ASAH2: variants seen among roughly 807,000 people sequenced by gnomAD.
ASAH2 encodes neutral ceramidase.
Under a neutral mutation model 82.9 loss-of-function variants are expected in ASAH2, and 58 were observed. The observed-to-expected ratio is 0.70, with a 90% confidence interval of 0.57 to 0.87. The LOEUF is 0.87. Ranked by LOEUF, ASAH2 falls within the 40% of genes least tolerant of loss-of-function variation. The pLI is 0.00. For synonymous variants in ASAH2, 276 were observed against 289.7 expected (o/e 0.95, Z 0.48); for missense variants, 779 against 834.0 (o/e 0.93, Z 0.81).
At chr10:50,195,141 C>T (rs1589319026) in intron 18 of ASAH2, among the ~76,000 whole-genome samples, 1 of 150,790 alleles carries the variant, frequency 6.6e-6, no homozygotes. Context: ...GCAAACTATG[C>T]ATCCAATAAA....
rs1360783574 is a variant in ASAH2 at position 50,187,136 on chromosome 10, A to T, written c.*179T>A. On this transcript the variant is annotated 3_prime_UTR_variant, in exon 21 of 21. Transcript: ENST00000682911. ...CTCTCTCTCACACACACACACACAC[A>T]CACACACACACACACACACACACAC... The T allele has an allele frequency of 2.0e-3, 639 of 317,556 alleles. 1 individual carries two copies. The highest frequency in any genetic ancestry group is 2.4e-3 in the Non-Finnish European group (377 of 158,698). 19.7% of individuals were successfully genotyped at this position (317,556 alleles called of 1,614,324 possible).
chr10:50,243,461 C>T, intron 3 of ASAH2, 110 bp from the exon 4 acceptor site: 1 of 1,205,276 alleles, frequency 8.3e-7, no homozygotes, highest in Non-Finnish European at 1.1e-6. Context: ...AAAACATCCA[C>T]ATGACATGGT....
chr10:50,230,534 T>C (rs1589348012), intron 7 of ASAH2, among the ~76,000 whole-genome samples: 1 of 152,154 alleles, frequency 6.6e-6, no homozygotes, highest in African/African-American at 2.4e-5. Flanking sequence ...AAGAGGCAAT[T>C]GCAGGAGCAA....
At chr10:50,234,035 T>C (rs1014374012) in intron 6 of ASAH2, among the ~76,000 whole-genome samples, 1 of 152,116 alleles carries the variant, frequency 6.6e-6, no homozygotes, top group Non-Finnish European at 1.5e-5. Context: ...AAATATGCAT[T>C]GAGCACATTT....
At chr10:50,208,879 A>G (rs769764116) in intron 12 of ASAH2, among the ~76,000 whole-genome samples, 26,425 of 152,048 alleles carry the variant, frequency 0.17, 2,760 homozygotes, top group East Asian at 0.33. Flanking sequence ...AGGACAAGGT[A>G]GAAAGACATA....
chr10:50,248,760 C>T, intron 1 of ASAH2, 114 bp from the exon 2 acceptor site: 2 of 773,840 alleles, frequency 2.6e-6, no homozygotes, highest in Admixed American at 3.0e-5. Flanking sequence ...GTACAGAGCA[C>T]TTACCACTCA....
chr10:50,245,430 G>A lies in ASAH2; in HGVS notation c.152C>T (p.Thr51Ile), dbSNP rs1026161935. Reference protein sequence around the residue: ...HKDLGGHFFSTTQSPPATQGS... With the variant: ...HKDLGGHFFSITQSPPATQGS... ...CTGGGTGGCTGGAGGGCTTTGGGTGGTTGAAAAAAAATGGCCTCCTAAATC... is the reference window on the plus strand; with the variant it reads ...CTGGGTGGCTGGAGGGCTTTGGGTGATTGAAAAAAAATGGCCTCCTAAATC... The change falls in exon 3 of 21, where the codon ACC becomes ATC. Residue 51 changes from threonine to isoleucine, a missense_variant. Thr to Ile is a moderately conservative substitution (Grantham distance 89). Coordinates refer to ENST00000682911, the MANE Select transcript of ASAH2 (RefSeq NM_019893.4). 2.2e-5 allele frequency: 35 copies of A among 1,612,234 alleles called. No homozygotes were observed. The highest frequency in any genetic ancestry group is 2.8e-5 in the Non-Finnish European group (33 of 1,179,514).
chr10:50,250,169 A>G (rs756421214), intron 1 of ASAH2, among the ~76,000 whole-genome samples: 3 of 152,056 alleles, frequency 2.0e-5, no homozygotes. Flanking sequence ...TTCTCTTTAG[A>G]TGGGGGATAT....
rs370281034 is a variant in ASAH2, at chr10:50,243,945, A to T, written c.361-594T>A. On this transcript the variant is annotated intron_variant, in intron 3 of 20. Transcript: ENST00000682911. ...CCTGTCGTGGGTGCAACAGGCTGGT[A>T]AATTCCTTTACTGCCCATGACATGG... is the stretch of plus-strand genomic sequence containing the variant. Among the ~76,000 whole-genome samples, 105 of 152,314 alleles carry T rather than the reference A, an allele frequency of 6.9e-4. 1 individual carries two copies. Among genetic ancestry groups the T allele is most frequent in the African/African-American group, 2.4e-3 (99 of 41,568 alleles).
intron 7 of ASAH2, among the ~76,000 whole-genome samples, chr10:50,225,443 A>C (rs1845855016): frequency 6.6e-6 from 1 of 152,166 alleles, no homozygotes; most frequent in East Asian, 1.9e-4. Flanking sequence ...AAATTAAAAA[A>C]TCCTTGCACA....
Position 50,185,142 on chromosome 10 carries a change from C to A in ASAH2, c.*2173G>T, listed in dbSNP as rs1305497535. Reference sequence around the variant, plus strand: ...GAGTTTCTGCCACATGGTTTGGCTCCAGTGAGCCAGTCCCTGCAGCATCCA... The same window carrying A: ...GAGTTTCTGCCACATGGTTTGGCTCAAGTGAGCCAGTCCCTGCAGCATCCA... On this transcript the variant is annotated 3_prime_UTR_variant, in exon 21 of 21. Transcript: ENST00000682911. 1 of 151,128 alleles carries A rather than the reference C, an allele frequency of 6.6e-6. No individual in the cohort carries two copies. The highest frequency in any genetic ancestry group is 2.4e-5 in the African/African-American group (1 of 40,874). The allele number at this position is 151,128 out of a possible 1,614,324, so 9.4% of individuals were successfully genotyped here.
At chr10:50,211,658 A>G (rs1321240043) in intron 10 of ASAH2, among the ~76,000 whole-genome samples, 2 of 152,280 alleles carry the variant, frequency 1.3e-5, no homozygotes, top group Non-Finnish European at 1.5e-5. Context: ...AATATGGTCA[A>G]TTGATGCTTT....
At chr10:50,215,770 A>G (rs1213160176) in intron 8 of ASAH2, among the ~76,000 whole-genome samples, 1 of 152,172 alleles carries the variant, frequency 6.6e-6, no homozygotes, top group Non-Finnish European at 1.5e-5. Context: ...TCAAGGATCT[A>G]GAACCAGAAA....
chr10:50,197,131 G>C (rs1452830549), intron 17 of ASAH2, among the ~76,000 whole-genome samples: 2 of 150,052 alleles, frequency 1.3e-5, no homozygotes, highest in Admixed American at 1.3e-4. Context: ...CTGGGAGAAA[G>C]TTTTGGTCAT....
At position 50,198,156 on chromosome 10, in the gene ASAH2, C is replaced by T. The variant is rs373471684; in HGVS notation, c.1857+895G>A. 1,129 of 151,280 alleles carry T rather than the reference C, an allele frequency of 7.5e-3. 13 individuals carry two copies. Among genetic ancestry groups the T allele is most frequent in the African/African-American group, 0.026 (1,076 of 41,396 alleles). The allele number at this position is 151,280 out of a possible 1,614,324, so 9.4% of individuals were successfully genotyped here. Reference sequence around the variant, plus strand: ...GAGACAACCATTTCATTCATTTCAACTTAATATATCCAAGCTCTTTCATTA... The same window carrying T: ...GAGACAACCATTTCATTCATTTCAATTTAATATATCCAAGCTCTTTCATTA... On this transcript the variant is annotated intron_variant, in intron 17 of 20. Coordinates refer to ENST00000682911, the MANE Select transcript of ASAH2 (RefSeq NM_019893.4).
At position 50,201,928 on chromosome 10, in the gene ASAH2, A is replaced by C. The variant is rs923124198; in HGVS notation, c.1761+901T>G. Among the ~76,000 whole-genome samples the C allele has an allele frequency of 9.0e-3, 1,363 of 152,256 alleles. 14 individuals carry two copies. Among genetic ancestry groups the C allele is most frequent in the East Asian group, 0.03 (153 of 5,160 alleles). ...TGCAATCACTGTATGTGATATGAAA[A>C]TATCTGTGGTGCCTATTGGTGACAG... On this transcript the variant is annotated intron_variant, in intron 16 of 20. Transcript: ENST00000682911.
intron 7 of ASAH2, among the ~76,000 whole-genome samples, chr10:50,222,895 A>T (rs1443690059): frequency 6.6e-6 from 1 of 152,206 alleles, no homozygotes; most frequent in African/African-American, 2.4e-5. Context: ...AGTTCAAAAG[A>T]AAGGAAGAAA....
intron 7 of ASAH2, among the ~76,000 whole-genome samples, chr10:50,230,705 C>T (rs978136226): frequency 1.3e-5 from 2 of 151,918 alleles, no homozygotes; most frequent in African/African-American, 2.4e-5. Context: ...AACATCTGGC[C>T]AAAATAATAG....
At chr10:50,235,840 C>T in intron 5 of ASAH2, 48 bp downstream of exon 5, 1 of 1,588,384 alleles carries the variant, frequency 6.3e-7, no homozygotes, top group South Asian at 1.1e-5. Flanking sequence ...TCCTAAAATA[C>T]CTGTAAGCAA....
Sources: allele counts gnomAD v4.1 joint callset (sites outside exome capture counted in the v4.1 genomes callset), GRCh38; gene constraint gnomAD v4.1.1; transcripts MANE v1.5; gene names NCBI Gene and HGNC (gene_info 2026-07-23, HGNC 2026-07-21).